The following CSMD1 variants were observed in gnomAD, a reference collection of about 807,000 sequenced individuals.
The protein encoded by CSMD1 is CUB and Sushi multiple domains 1.
CSMD1 carries 213 observed loss-of-function variants against 417.5 expected under a neutral mutation model. The observed-to-expected ratio is 0.51, with a 90% CI of 0.46 to 0.57. The LOEUF (loss-of-function observed/expected upper bound fraction) is 0.57. Among genes scored for constraint, CSMD1 ranks in the 20% least tolerant of loss-of-function variants. CSMD1 has a pLI of 0.00. For synonymous variants in CSMD1, 2,862 were observed against 1,736.8 expected (o/e 1.65, Z -16.11); for missense variants, 6,923 against 4,529.7 (o/e 1.53, Z -15.17).
chr8:4,345,616 A>G (rs1800734695), intron 3 of CSMD1, among the ~76,000 whole-genome samples: 2 of 152,102 alleles, frequency 1.3e-5, no homozygotes, highest in Non-Finnish European at 2.9e-5. Flanking sequence ...CAAAAACAAA[A>G]AGTACCAAAA....
intron 23 of CSMD1, among the ~76,000 whole-genome samples, chr8:3,330,115 A>G (rs1806795957): frequency 6.6e-6 from 1 of 152,154 alleles, no homozygotes; most frequent in African/African-American, 2.4e-5. Flanking sequence ...GGTAGTGGGT[A>G]GAGAGCCCTG....
At chr8:4,367,607 A>C (rs1802155033) in intron 3 of CSMD1, among the ~76,000 whole-genome samples, 1 of 152,146 alleles carries the variant, frequency 6.6e-6, no homozygotes, top group South Asian at 2.1e-4. Flanking sequence ...AAAAAATGAC[A>C]TTGGTACTTT....
intron 2 of CSMD1, among the ~76,000 whole-genome samples, chr8:4,466,245 G>A (rs1351229424): frequency 1.3e-5 from 2 of 152,054 alleles, no homozygotes; most frequent in African/African-American, 2.4e-5. Context: ...ATCCTTCCCA[G>A]ATAACCACAG....
chr8:3,726,640 T>C (rs931508528), intron 6 of CSMD1, among the ~76,000 whole-genome samples: 2 of 152,190 alleles, frequency 1.3e-5, no homozygotes, highest in African/African-American at 4.8e-5. Flanking sequence ...AATCCTTTTT[T>C]ATGTTCCATC....
At chr8:4,032,306 A>G (rs538523817) in intron 3 of CSMD1, among the ~76,000 whole-genome samples, 1 of 152,352 alleles carries the variant, frequency 6.6e-6, no homozygotes, top group East Asian at 1.9e-4. Context: ...TAAACATCAT[A>G]AAGTGTAAAT....
chr8:4,222,801 C>A (rs962458250), intron 3 of CSMD1, among the ~76,000 whole-genome samples: 15 of 152,138 alleles, frequency 9.9e-5, no homozygotes, highest in Non-Finnish European at 2.1e-4. Context: ...GCTGGTTGAG[C>A]TGACCTGAGG....
At chr8:4,879,422 G>C (rs1443666428) in intron 1 of CSMD1, among the ~76,000 whole-genome samples, 1 of 152,054 alleles carries the variant, frequency 6.6e-6, no homozygotes, top group African/African-American at 2.4e-5. Context: ...ATATGAAGAA[G>C]AATTAGGAGG....
chr8:4,663,892 GTTC>G (rs1392004598), intron 1 of CSMD1, among the ~76,000 whole-genome samples: 1 of 152,198 alleles, frequency 6.6e-6, no homozygotes, highest in Non-Finnish European at 1.5e-5. Flanking sequence ...GCATCCTGGG[GTTC>G]TTCTCAAAAT....
intron 5 of CSMD1, among the ~76,000 whole-genome samples, chr8:3,889,123 C>G (rs903532795): frequency 2.6e-5 from 4 of 151,786 alleles, no homozygotes; most frequent in Admixed American, 1.3e-4. Context: ...AAGTTTTACT[C>G]CCAATGATTC....
chr8:4,231,515 A>C (rs1801731135), intron 3 of CSMD1, among the ~76,000 whole-genome samples: 1 of 44,700 alleles, frequency 2.2e-5, no homozygotes, highest in Non-Finnish European at 4.3e-5. Context: ...GACATAAGAA[A>C]GGTCTGTAAT....
intron 26 of CSMD1, among the ~76,000 whole-genome samples, chr8:3,272,031 C>T (rs1801897534): frequency 6.6e-6 from 1 of 151,560 alleles, no homozygotes; most frequent in Non-Finnish European, 1.5e-5. Context: ...ATGGTAATGC[C>T]TAGGTTTTCT....
intron 3 of CSMD1, among the ~76,000 whole-genome samples, chr8:4,051,810 C>G (rs1178447651): frequency 2.0e-5 from 3 of 152,058 alleles, no homozygotes; most frequent in East Asian, 3.9e-4. Flanking sequence ...ACAATACTGA[C>G]AGTTTTCTTC....
chr8:4,656,253 G>A (rs906038760), intron 1 of CSMD1, among the ~76,000 whole-genome samples: 22 of 152,046 alleles, frequency 1.4e-4, no homozygotes, highest in Non-Finnish European at 7.3e-5. Context: ...CAGACTTTCA[G>A]GGGGCAGTAG....
intron 3 of CSMD1, among the ~76,000 whole-genome samples, chr8:4,249,296 G>A (rs914765279): frequency 1.3e-5 from 2 of 152,154 alleles, no homozygotes; most frequent in Admixed American, 1.3e-4. Context: ...TGGAAGGTAG[G>A]ATGAAGATGA....
At chr8:4,656,049 G>T (rs1249254916) in intron 1 of CSMD1, among the ~76,000 whole-genome samples, 1 of 152,072 alleles carries the variant, frequency 6.6e-6, no homozygotes, top group Non-Finnish European at 1.5e-5. Context: ...TAGTGTTATG[G>T]AAGAGAAGAA....
intron 1 of CSMD1, among the ~76,000 whole-genome samples, chr8:4,863,596 T>C (rs540933109): frequency 2.0e-5 from 3 of 152,166 alleles, no homozygotes; most frequent in South Asian, 2.1e-4. Flanking sequence ...AATCTCTTCA[T>C]ATTCTCACAA....
At chr8:4,170,586 C>T (rs79380353) in intron 3 of CSMD1, among the ~76,000 whole-genome samples, 7,677 of 151,776 alleles carry the variant, frequency 0.051, 818 homozygotes, top group African/African-American at 0.18. Context: ...TAGCAGTACA[C>T]TTTCAAATTC....
chr8:3,233,923 C>A (rs1799000083), intron 26 of CSMD1, among the ~76,000 whole-genome samples: 1 of 152,154 alleles, frequency 6.6e-6, no homozygotes, highest in South Asian at 2.1e-4. Context: ...AGAAATTCAC[C>A]TACAGACTAG....
At chr8:3,752,215 T>G (rs1186829993) in intron 6 of CSMD1, among the ~76,000 whole-genome samples, 1 of 151,854 alleles carries the variant, frequency 6.6e-6, no homozygotes, top group Non-Finnish European at 1.5e-5. Flanking sequence ...CGGCCTGGCC[T>G]GGCTCCAGGT....
Sources: allele counts gnomAD v4.1 joint callset (sites outside exome capture counted in the v4.1 genomes callset), GRCh38; gene constraint gnomAD v4.1.1; transcripts MANE v1.5; gene names NCBI Gene and HGNC (gene_info 2026-07-23, HGNC 2026-07-21).